Variants in RGS7BP observed in about 807,000 individuals in gnomAD.
The protein encoded by RGS7BP is regulator of G protein signaling 7-binding protein.
In RGS7BP, 9 loss-of-function variants were observed where a neutral mutation model predicts 31.3. The observed-to-expected ratio is 0.29, with a 90% CI of 0.17 to 0.50. RGS7BP has a LOEUF of 0.50. RGS7BP is among the 20% of genes least tolerant of loss of function. The probability of loss-of-function intolerance (pLI) is 0.98; values close to 1 mark genes in which losing one functional copy is unlikely to be tolerated. For missense variants in RGS7BP, 274 were observed against 322.0 expected (o/e 0.85, Z 1.14); for synonymous variants, 115 against 120.1 (o/e 0.96, Z 0.28).
At chr5:64,568,268 C>T (rs116467682) in intron 2 of RGS7BP, among the ~76,000 whole-genome samples, 132 of 152,174 alleles carry the variant, frequency 8.7e-4, no homozygotes, top group South Asian at 1.7e-3. Context: ...GCAGGCCTGT[C>T]TCTGCTAGCT....
chr5:64,521,878 T>C (rs781566821), intron 2 of RGS7BP, among the ~76,000 whole-genome samples: 9 of 152,222 alleles, frequency 5.9e-5, no homozygotes, highest in Non-Finnish European at 1.3e-4. Context: ...TGTAACAAAA[T>C]GTGGGTGGGA....
At chr5:64,516,004 A>G (rs1354304934) in intron 2 of RGS7BP, among the ~76,000 whole-genome samples, 7 of 152,050 alleles carry the variant, frequency 4.6e-5, no homozygotes. Flanking sequence ...GGGTCTTGCT[A>G]TATTGCCAAA....
intron 2 of RGS7BP, among the ~76,000 whole-genome samples, chr5:64,523,382 G>A (rs779395294): frequency 2.0e-5 from 3 of 152,122 alleles, no homozygotes; most frequent in Non-Finnish European, 4.4e-5. Flanking sequence ...ATGAATTCAA[G>A]TTTACATGTG....
In RGS7BP at chr5:64,594,724, G is replaced by C. The variant is rs779720325; in HGVS notation, c.478G>C (p.Gly160Arg). 9.9e-6 allele frequency: 16 copies of C among 1,613,510 alleles called. No individual in the cohort carries two copies. Among genetic ancestry groups the C allele is most frequent in the Non-Finnish European group, 1.4e-5 (16 of 1,179,736 alleles). The change falls in exon 4 of 6, where the codon GGG becomes CGG. Residue 160 changes from glycine to arginine, a missense_variant. Physicochemically the swap from Gly to Arg is moderately radical, Grantham distance 125. This residue lies in a region of RGS7BP where 112 missense variants were observed against 130.9 expected (regional missense o/e 0.86). Transcript: ENST00000334025. ...QFHRKGKEPG[G>R]GTKSLDCKIE... Reference sequence around the variant, plus strand: ...CCCTCCCTTAGGAAAGGAACCTGGCGGGGGAACCAAGAGTTTGGATTGCAA... The same window carrying C: ...CCCTCCCTTAGGAAAGGAACCTGGCCGGGGAACCAAGAGTTTGGATTGCAA...
chr5:64,539,357 A>G (rs949970777), intron 2 of RGS7BP: 1 of 152,208 alleles, frequency 6.6e-6, no homozygotes, highest in African/African-American at 2.4e-5. Flanking sequence ...TTCACAGAGC[A>G]AATTTTTAAA....
chr5:64,532,418 G>A (rs1273597059), intron 2 of RGS7BP, among the ~76,000 whole-genome samples: 1 of 152,018 alleles, frequency 6.6e-6, no homozygotes, highest in Non-Finnish European at 1.5e-5. Flanking sequence ...TAGAGAGGCA[G>A]AATAGGCTTT....
At chr5:64,540,957 G>C (rs767112481) in intron 2 of RGS7BP, among the ~76,000 whole-genome samples, 5 of 152,232 alleles carry the variant, frequency 3.3e-5, no homozygotes, top group Non-Finnish European at 5.9e-5. Context: ...TCAGTGGCTA[G>C]TGATTCTGGA....
At chr5:64,541,864 T>C (rs1041466866) in intron 2 of RGS7BP, among the ~76,000 whole-genome samples, 6 of 152,212 alleles carry the variant, frequency 3.9e-5, no homozygotes, top group African/African-American at 1.4e-4. Context: ...TGCTGGTTCT[T>C]CTTTTGATTT....
chr5:64,517,677 G>A (rs889924669), intron 2 of RGS7BP, among the ~76,000 whole-genome samples: 11 of 152,146 alleles, frequency 7.2e-5, no homozygotes, highest in Admixed American at 6.5e-5. Context: ...AGGGGAAAGC[G>A]TCCAGAAAGG....
intron 2 of RGS7BP, among the ~76,000 whole-genome samples, chr5:64,567,445 A>G (rs1742197983): frequency 6.6e-6 from 1 of 152,174 alleles, no homozygotes; most frequent in Non-Finnish European, 1.5e-5. Flanking sequence ...TCTCTTTTGT[A>G]AATCCTCAGT....
intron 3 of RGS7BP, among the ~76,000 whole-genome samples, chr5:64,579,791 A>G (rs539963679): frequency 4.5e-4 from 69 of 152,234 alleles, no homozygotes; most frequent in African/African-American, 1.4e-3. Flanking sequence ...TTTTAGTTAC[A>G]CATTTGTATG....
rs181213571 is a variant in RGS7BP at position 64,569,496 on chromosome 5, G to A, written c.333-6278G>A. On this transcript the variant is annotated intron_variant, in intron 2 of 5. Coordinates refer to ENST00000334025, the MANE Select transcript of RGS7BP (RefSeq NM_001029875.3). ...ACTCATTTTGGTATGAAATAGTGTA[G>A]TTGTTCAGTAGGTATCTGGCATCTG... Among the ~76,000 whole-genome samples the A allele has an allele frequency of 3.9e-5, 6 of 152,154 alleles. No individual in the cohort carries two copies. In the East Asian group the frequency reaches 1.2e-3, roughly 29 times the overall value.
intron 2 of RGS7BP, among the ~76,000 whole-genome samples, chr5:64,537,132 A>C (rs577767523): frequency 4.2e-4 from 64 of 152,350 alleles, no homozygotes; most frequent in African/African-American, 1.5e-3. Context: ...GAAGAACTCC[A>C]ACCAGTGGAT....
At chr5:64,564,017 T>G (rs1284327288) in intron 2 of RGS7BP, among the ~76,000 whole-genome samples, 2 of 152,200 alleles carry the variant, frequency 1.3e-5, no homozygotes, top group Non-Finnish European at 2.9e-5. Context: ...TCAGCTTCAC[T>G]GTTGTGTTAG....
chr5:64,518,996 C>A (rs1301710837), intron 2 of RGS7BP, among the ~76,000 whole-genome samples: 1 of 152,188 alleles, frequency 6.6e-6, no homozygotes, highest in Non-Finnish European at 1.5e-5. Flanking sequence ...CGGTGTCATG[C>A]AACTTCCCTG....
intron 5 of RGS7BP, among the ~76,000 whole-genome samples, chr5:64,605,016 T>A (rs1743317480): frequency 1.3e-5 from 2 of 152,108 alleles, no homozygotes; most frequent in Non-Finnish European, 2.9e-5. Flanking sequence ...CAAAAATAAA[T>A]AAAATTTTTT....
At chr5:64,556,707 G>T (rs61362110) in intron 2 of RGS7BP, among the ~76,000 whole-genome samples, 2,398 of 151,970 alleles carry the variant, frequency 0.016, 52 homozygotes, top group African/African-American at 0.054. Context: ...TGTTTTTTAA[G>T]TCTTTCTCCT....
intron 4 of RGS7BP, among the ~76,000 whole-genome samples, chr5:64,597,252 T>C (rs1483741684): frequency 6.6e-6 from 1 of 152,058 alleles, no homozygotes; most frequent in Non-Finnish European, 1.5e-5. Context: ...CCTCCTGAGA[T>C]GGCTTCCTGC....
chr5:64,569,830 T>A (rs554607782), intron 2 of RGS7BP, among the ~76,000 whole-genome samples: 2 of 152,332 alleles, frequency 1.3e-5, no homozygotes, highest in East Asian at 3.9e-4. Flanking sequence ...ATCCCTTTTC[T>A]TCCTATTTGC....
Sources: allele counts gnomAD v4.1 joint callset (sites outside exome capture counted in the v4.1 genomes callset), GRCh38; gene constraint gnomAD v4.1.1; regional missense constraint gnomAD v4.1.1; transcripts MANE v1.5; gene names NCBI Gene and HGNC (gene_info 2026-07-23, HGNC 2026-07-21).